Variants in RANBP2 observed in about 807,000 individuals in gnomAD.
RANBP2 encodes the protein E3 SUMO-protein ligase RanBP2.
RANBP2 carries 57 observed loss-of-function variants against 303.6 expected under a neutral mutation model. The observed-to-expected ratio is 0.19, with a 90% CI of 0.15 to 0.23. The LOEUF (loss-of-function observed/expected upper bound fraction) is 0.23. RANBP2 is among the 10% of genes least tolerant of loss of function. The pLI is 1.00. For missense variants in RANBP2, 3,138 were observed against 3,780.8 expected (o/e 0.83, Z 4.46); for synonymous variants, 1,167 against 1,301.5 (o/e 0.90, Z 2.23).
the RANBP2 span, among the ~76,000 whole-genome samples, chr2:109,144,838 G>C: frequency 6.6e-6 from 1 of 152,230 alleles, no homozygotes; most frequent in Admixed American, 6.5e-5. Context: ...CCAAGAGACG[G>C]GCAGGGGGCG....
the RANBP2 span, among the ~76,000 whole-genome samples, chr2:109,349,381 C>A: frequency 3.3e-5 from 5 of 152,222 alleles, no homozygotes. Flanking sequence ...TGCACAGCTT[C>A]CCGGGAAACT....
chr2:109,650,043 T>C, the RANBP2 span, among the ~76,000 whole-genome samples: 49 of 152,344 alleles, frequency 3.2e-4, 1 homozygote, highest in African/African-American at 1.2e-3. Flanking sequence ...ATTTTGGATA[T>C]TCCTCGTGGG....
In RANBP2 at chr2:108,766,077, A is replaced by G; in HGVS notation, c.5538A>G (p.Ser1846=). The G allele has an allele frequency of 6.2e-7, 1 of 1,614,176 alleles. No homozygotes were observed. The highest frequency in any genetic ancestry group is 1.1e-5 in the South Asian group (1 of 91,088). The change falls in exon 20 of 29, where the codon TCA becomes TCG. Residue 1846 remains serine (S), a synonymous_variant. Transcript: ENST00000283195. ...QVGTGFKSNF[S]EKASKFGNTE... ...GAACAGGATTTAAAAGTAATTTCTC[A>G]GAAAAAGCTTCTAAGTTTGGCAATA...
chr2:108,921,353 C>G, the RANBP2 span, among the ~76,000 whole-genome samples: 10 of 152,210 alleles, frequency 6.6e-5, no homozygotes, highest in Non-Finnish European at 5.9e-5. Flanking sequence ...AGCCAGGGGC[C>G]CTTGGCAAGT....
the RANBP2 span, among the ~76,000 whole-genome samples, chr2:109,336,400 C>T: frequency 6.6e-6 from 1 of 152,216 alleles, no homozygotes; most frequent in South Asian, 2.1e-4. Context: ...GATTGACTCA[C>T]TAGCATGCAA....
chr2:108,965,406 G>A, the RANBP2 span, among the ~76,000 whole-genome samples: 30 of 151,830 alleles, frequency 2.0e-4, no homozygotes, highest in African/African-American at 5.6e-4. Context: ...GCATGAACCC[G>A]GGAGGCCGAG....
At chr2:108,779,703 G>A (rs1013283256) in intron 25 of RANBP2, among the ~76,000 whole-genome samples, 62 of 152,182 alleles carry the variant, frequency 4.1e-4, no homozygotes, top group Admixed American at 4.1e-3. Context: ...CTAAATTGAG[G>A]TATGGGATGG....
At chr2:109,024,998 A>G in the RANBP2 span, among the ~76,000 whole-genome samples, 7 of 152,262 alleles carry the variant, frequency 4.6e-5, no homozygotes, top group African/African-American at 1.7e-4. Flanking sequence ...TCTGCCCATT[A>G]AGCAGAGACT....
the RANBP2 span, among the ~76,000 whole-genome samples, chr2:109,286,737 G>A: frequency 3.6e-3 from 550 of 152,328 alleles, 2 homozygotes; most frequent in Middle Eastern, 6.8e-3. Context: ...ACCTTTGGGA[G>A]TGTTGGGTTT....
At chr2:109,136,135 C>T in the RANBP2 span, among the ~76,000 whole-genome samples, 1 of 152,102 alleles carries the variant, frequency 6.6e-6, no homozygotes, top group African/African-American at 2.4e-5. Context: ...ATTCGGGGCT[C>T]AGTTTTGCAA....
chr2:109,557,807 C>T, the RANBP2 span, among the ~76,000 whole-genome samples: 1 of 151,368 alleles, frequency 6.6e-6, no homozygotes, highest in Non-Finnish European at 1.5e-5. Flanking sequence ...TCTTGCTATA[C>T]TATTCCCTTT....
At chr2:109,545,476 A>T in the RANBP2 span, 2 of 1,536,070 alleles carry the variant, frequency 1.3e-6, no homozygotes, top group Non-Finnish European at 1.7e-6. Context: ...CTGCGTCTTT[A>T]CGTCCACCAT....
the RANBP2 span, among the ~76,000 whole-genome samples, chr2:109,462,981 G>C: frequency 6.6e-6 from 1 of 152,196 alleles, no homozygotes; most frequent in Non-Finnish European, 1.5e-5. Context: ...ACCCTGTTAA[G>C]GTAGATCCCT....
chr2:109,130,075 C>T, the RANBP2 span: 4 of 1,365,306 alleles, frequency 2.9e-6, no homozygotes, highest in South Asian at 1.7e-5. Context: ...CGGCAGTCTG[C>T]GGGAGCTGGC....
chr2:108,977,548 G>A, the RANBP2 span, among the ~76,000 whole-genome samples: 3 of 152,224 alleles, frequency 2.0e-5, no homozygotes, highest in African/African-American at 7.2e-5. Context: ...GGGATTACAG[G>A]CGTGAGCCAC....
At chr2:109,387,056 A>G in the RANBP2 span, among the ~76,000 whole-genome samples, 7 of 152,202 alleles carry the variant, frequency 4.6e-5, no homozygotes, top group Admixed American at 1.3e-4. Flanking sequence ...ATCACCCATA[A>G]TCCTACCAGT....
At chr2:109,420,437 TTTTTGTTTTG>T in the RANBP2 span, among the ~76,000 whole-genome samples, 1 of 152,022 alleles carries the variant, frequency 6.6e-6, no homozygotes, top group East Asian at 1.9e-4. Context: ...GTTGTTGTTG[TTTTTGTTTTG>T]TTTTGTTTTG....
the RANBP2 span, chr2:109,432,451 C>G: frequency 1.2e-6 from 2 of 1,603,992 alleles, no homozygotes; most frequent in Non-Finnish European, 1.7e-6. Flanking sequence ...GGCCGGTCCC[C>G]TATCCCCAGG....
the RANBP2 span, among the ~76,000 whole-genome samples, chr2:109,139,553 GT>G: frequency 6.6e-6 from 1 of 152,150 alleles, no homozygotes; most frequent in Non-Finnish European, 1.5e-5. Context: ...AGAAATCTGA[GT>G]TTTAAAAATT....
Sources: gnomAD v4.1 joint callset for allele counts (sites outside exome capture counted in the v4.1 genomes callset) on GRCh38, gnomAD v4.1.1 for gene constraint, MANE v1.5 for transcripts, NCBI Gene and HGNC (gene_info 2026-07-23, HGNC 2026-07-21) for gene names.